Variants in RNF157 observed in about 807,000 individuals in gnomAD.
The protein encoded by RNF157 is ring finger protein 157.
RNF157 carries 55 observed loss-of-function variants against 88.3 expected under a neutral mutation model. That is an observed-to-expected ratio of 0.62 (90% CI 0.50 to 0.78). The LOEUF (loss-of-function observed/expected upper bound fraction) is 0.78. RNF157 is among the 30% of genes least tolerant of loss of function. The pLI is 0.00. For synonymous variants in RNF157, 334 were observed against 341.2 expected (o/e 0.98, Z 0.23); for missense variants, 788 against 860.8 (o/e 0.92, Z 1.06).
chr17:76,216,954 T>G (rs1365138854), intron 1 of RNF157, among the ~76,000 whole-genome samples: 1 of 152,104 alleles, frequency 6.6e-6, no homozygotes, highest in Non-Finnish European at 1.5e-5. Context: ...AAAAGCTATA[T>G]AAGCTGTATA....
At chr17:76,201,623 A>G (rs2069579916) in intron 2 of RNF157, among the ~76,000 whole-genome samples, 1 of 152,204 alleles carries the variant, frequency 6.6e-6, no homozygotes, top group Admixed American at 6.5e-5. Context: ...TTGTAATAGT[A>G]TATTTGTGTA....
chr17:76,187,625 A>T (rs771092768), intron 2 of RNF157, among the ~76,000 whole-genome samples: 3 of 144,420 alleles, frequency 2.1e-5, no homozygotes, highest in Admixed American at 6.9e-5. Flanking sequence ...ACAGGTTCTC[A>T]CTCTGTCGCC....
chr17:76,212,536 T>A, intron 1 of RNF157, 54 bp from the exon 2 acceptor site: 4 of 1,131,232 alleles, frequency 3.5e-6, no homozygotes, highest in African/African-American at 1.6e-5. Context: ...TCAACCTAAA[T>A]CTAGTAAAAA....
intron 1 of RNF157, among the ~76,000 whole-genome samples, chr17:76,218,384 C>G (rs146439206): frequency 6.6e-6 from 1 of 152,108 alleles, no homozygotes; most frequent in African/African-American, 2.4e-5. Flanking sequence ...CTCACGCCTG[C>G]AATCCCAGTA....
At chr17:76,233,200 G>A (rs144858846) in intron 1 of RNF157, among the ~76,000 whole-genome samples, 20,590 of 151,974 alleles carry the variant, frequency 0.14, 2,036 homozygotes, top group African/African-American at 0.26. Flanking sequence ...GATTACAGGC[G>A]TGAGCCACCG....
rs1000590731 is a variant in RNF157 at position 76,240,093 on chromosome 17, C to A, written c.88+60G>T. 6 of 1,095,282 alleles carry A rather than the reference C, an allele frequency of 5.5e-6. No homozygotes were observed. In the African/African-American group the frequency reaches 8.2e-5, roughly 15 times the overall value. 67.8% of individuals were successfully genotyped at this position (1,095,282 alleles called of 1,614,324 possible). A position where few individuals can be genotyped will look rare whatever the true frequency, so the allele number is the denominator to read the frequency against. The stretch of plus-strand genomic sequence containing the variant: ...GCGGGGCCCCCTCAGGCCGTCCCGA[C>A]CCAGACCCCTGCCCCTGCCCCTCTC... On this transcript the variant is annotated intron_variant, in intron 1 of 18. Transcript: ENST00000269391. This position sits in a 1 kb window ranked among gnomAD's most constrained non-coding sequence, Gnocchi z 4.4.
chr17:76,179,637 G>A (rs2069158859), intron 2 of RNF157, among the ~76,000 whole-genome samples: 2 of 152,058 alleles, frequency 1.3e-5, no homozygotes, highest in Non-Finnish European at 1.5e-5. Flanking sequence ...AGGTTGCAGT[G>A]AGCTGAGCTC....
At chr17:76,201,510 TA>T (rs199750475) in intron 2 of RNF157, among the ~76,000 whole-genome samples, 15 of 148,164 alleles carry the variant, frequency 1.0e-4, no homozygotes, top group Middle Eastern at 3.2e-3. Context: ...AGCTTATTTC[TA>T]AAAAAAAAAT....
At chr17:76,175,072 T>C (rs1467121703) in intron 2 of RNF157, among the ~76,000 whole-genome samples, 1 of 152,242 alleles carries the variant, frequency 6.6e-6, no homozygotes, top group Non-Finnish European at 1.5e-5. Context: ...CGTATCTCCA[T>C]CCGTCCGTCT....
At chr17:76,178,505 G>C (rs930221112) in intron 2 of RNF157, among the ~76,000 whole-genome samples, 2 of 152,238 alleles carry the variant, frequency 1.3e-5, no homozygotes, top group African/African-American at 4.8e-5. Flanking sequence ...GTGGGATATA[G>C]GCTGGTAGTG....
intron 2 of RNF157, among the ~76,000 whole-genome samples, chr17:76,186,808 T>C (rs2069298398): frequency 6.6e-6 from 1 of 151,566 alleles, no homozygotes; most frequent in Admixed American, 6.6e-5. Context: ...GGCATGGTAG[T>C]GCACATTTGT....
rs1425206729 is a variant in RNF157 at position 76,156,270 on chromosome 17, C to T, written c.1465G>A (p.Ala489Thr). The T allele has an allele frequency of 1.2e-6, 2 of 1,614,122 alleles. No homozygotes were observed. Among genetic ancestry groups the T allele is most frequent in the African/African-American group, 1.3e-5 (1 of 75,028 alleles). The change falls in exon 14 of 19, where the codon GCT becomes ACT. Residue 489 changes from alanine to threonine, a missense_variant. By Grantham distance (58) the Ala-to-Thr change is moderately conservative. Coordinates refer to ENST00000269391, the MANE Select transcript of RNF157 (RefSeq NM_052916.3). ...CCTGTGCAAGACGACTGGTCAATAG[C>T]TCCAGATGACGACAAGGTGAGATTC... ...SENLTLSSSG[A>T]IDQSSCTGTP...
chr17:76,151,653 C>G (rs566368298), intron 18 of RNF157, among the ~76,000 whole-genome samples: 1 of 152,160 alleles, frequency 6.6e-6, no homozygotes, highest in African/African-American at 2.4e-5. Context: ...AAAAGGCACT[C>G]GGTGCTTAAA....
At chr17:76,186,567 G>A (rs932488114) in intron 2 of RNF157, among the ~76,000 whole-genome samples, 1 of 152,142 alleles carries the variant, frequency 6.6e-6, no homozygotes, top group East Asian at 1.9e-4. Context: ...TAAGATTCAA[G>A]ATTAATTACA....
chr17:76,212,519 A>G, intron 1 of RNF157, 37 bp from the exon 2 acceptor site: 1 of 1,324,134 alleles, frequency 7.6e-7, no homozygotes, highest in Non-Finnish European at 1.1e-6. Context: ...AAACAAGCAG[A>G]AAACAGTCAA....
chr17:76,152,074 C>T (rs1276283326), intron 18 of RNF157, among the ~76,000 whole-genome samples: 4 of 152,182 alleles, frequency 2.6e-5, no homozygotes, highest in Non-Finnish European at 1.5e-5. Context: ...CCTGCAAGGC[C>T]GTGATGTGGG....
intron 1 of RNF157, among the ~76,000 whole-genome samples, chr17:76,233,724 G>T (rs1338740804): frequency 6.6e-6 from 1 of 151,942 alleles, no homozygotes; most frequent in Non-Finnish European, 1.5e-5. Flanking sequence ...GTAGAGACAG[G>T]GTCTCACTCT....
intron 18 of RNF157, 188 bp from the exon 19 acceptor site, chr17:76,145,541 G>C: frequency 1.8e-6 from 1 of 552,144 alleles, no homozygotes; most frequent in South Asian, 2.5e-5. Context: ...CAGGTGCAGA[G>C]CCTGCTCCTG....
At chr17:76,145,457 CGT>C in intron 18 of RNF157, 104 bp from the exon 19 acceptor site, 2 of 756,682 alleles carry the variant, frequency 2.6e-6, no homozygotes, top group East Asian at 2.6e-5. Flanking sequence ...GAGCAGGATG[CGT>C]GTCACCTGAG....
Sources: allele counts gnomAD v4.1 joint callset (sites outside exome capture counted in the v4.1 genomes callset), GRCh38; gene constraint gnomAD v4.1.1; non-coding constraint Gnocchi (gnomAD v3.1); transcripts MANE v1.5; gene names NCBI Gene and HGNC (gene_info 2026-07-23, HGNC 2026-07-21).